RASAL2: variants seen among roughly 807,000 people sequenced by gnomAD.
The protein encoded by RASAL2 is RAS protein activator like 2.
Under a neutral mutation model 128.9 loss-of-function variants are expected in RASAL2, and 58 were observed. The ratio of observed to expected loss-of-function variants is 0.45; its 90% CI spans 0.36 to 0.56. RASAL2 has a LOEUF of 0.56. Among genes scored for constraint, RASAL2 ranks in the 20% least tolerant of loss-of-function variants. The probability of loss-of-function intolerance (pLI) is 0.00; values close to 1 mark genes in which losing one functional copy is unlikely to be tolerated. For synonymous variants in RASAL2, 561 were observed against 580.8 expected, an observed-to-expected ratio of 0.97 and a Z score of 0.49; for missense variants, 1,360 against 1,601.6, an observed-to-expected ratio of 0.85 and a Z score of 2.57.
chr1:178,456,062 T>C (rs1677751196), intron 12 of RASAL2, among the ~76,000 whole-genome samples: 1 of 152,230 alleles, frequency 6.6e-6, no homozygotes, highest in Non-Finnish European at 1.5e-5. Context: ...CATCTAGACA[T>C]ATCTCATAGA....
At chr1:178,208,205 A>C (rs1663122820) in intron 1 of RASAL2, among the ~76,000 whole-genome samples, 1 of 152,186 alleles carries the variant, frequency 6.6e-6, no homozygotes, top group Admixed American at 6.5e-5. Context: ...AAGGGAAGAC[A>C]ACTGTAAGGT....
intron 3 of RASAL2, among the ~76,000 whole-genome samples, chr1:178,324,007 T>C (rs1184231309): frequency 2.6e-5 from 4 of 152,222 alleles, no homozygotes; most frequent in Admixed American, 2.0e-4. Context: ...TGCTGGGTAG[T>C]GGAAAATGGC....
chr1:178,366,531 T>A (rs1162704519), intron 3 of RASAL2, among the ~76,000 whole-genome samples: 6 of 151,018 alleles, frequency 4.0e-5, no homozygotes, highest in Non-Finnish European at 7.4e-5. Context: ...ATTGTAAAAT[T>A]AGAAGATAAC....
intron 4 of RASAL2, among the ~76,000 whole-genome samples, chr1:178,404,142 C>G (rs918781208): frequency 6.0e-5 from 9 of 149,700 alleles, no homozygotes; most frequent in Non-Finnish European, 1.0e-4. Flanking sequence ...AGGAGAATTG[C>G]TTGAACCCGG....
At chr1:178,288,944 C>T (rs1667157842) in intron 2 of RASAL2, among the ~76,000 whole-genome samples, 1 of 152,128 alleles carries the variant, frequency 6.6e-6, no homozygotes, top group South Asian at 2.1e-4. Flanking sequence ...AGCCACTGAG[C>T]CCAGCTTTTT....
At chr1:178,308,548 T>C (rs1668101091) in intron 3 of RASAL2, among the ~76,000 whole-genome samples, 4 of 150,908 alleles carry the variant, frequency 2.7e-5, no homozygotes, top group Admixed American at 2.6e-4. Context: ...GCTTTTTTTT[T>C]TTTTTTTTTG....
chr1:178,404,434 G>A (rs918759632), intron 4 of RASAL2, among the ~76,000 whole-genome samples: 16 of 150,484 alleles, frequency 1.1e-4, no homozygotes, highest in East Asian at 4.0e-4. Flanking sequence ...AGGCTAGAGC[G>A]TAGTGGTGCC....
chr1:178,295,024 C>T (rs974322882), intron 2 of RASAL2, among the ~76,000 whole-genome samples: 2 of 152,114 alleles, frequency 1.3e-5, no homozygotes, highest in African/African-American at 2.4e-5. Flanking sequence ...CTGACTACTC[C>T]AGGAATCCAG....
At chr1:178,299,761 C>A (rs1225937744) in intron 2 of RASAL2, among the ~76,000 whole-genome samples, 1 of 152,134 alleles carries the variant, frequency 6.6e-6, no homozygotes, top group Non-Finnish European at 1.5e-5. Flanking sequence ...TCCCAAAGTG[C>A]TGGGATTACA....
At chr1:178,345,711 G>T (rs1197286868) in intron 3 of RASAL2, among the ~76,000 whole-genome samples, 1 of 152,052 alleles carries the variant, frequency 6.6e-6, no homozygotes, top group Non-Finnish European at 1.5e-5. Context: ...TGAAGTTTCA[G>T]GTAAATAAGT....
intron 3 of RASAL2, chr1:178,341,475 A>G (rs1669875250): frequency 6.5e-7 from 1 of 1,543,616 alleles, no homozygotes. Context: ...GAGGCACGAA[A>G]TGAGAGCAAA....
intron 1 of RASAL2, among the ~76,000 whole-genome samples, chr1:178,158,305 C>T (rs1661151963): frequency 6.6e-6 from 1 of 152,210 alleles, no homozygotes; most frequent in South Asian, 2.1e-4. Context: ...CTGCCTCATA[C>T]CTTGTGTGTC....
intron 1 of RASAL2, among the ~76,000 whole-genome samples, chr1:178,156,081 T>A (rs1416137802): frequency 6.6e-6 from 1 of 152,196 alleles, no homozygotes; most frequent in Non-Finnish European, 1.5e-5. Context: ...AGCTGGGAGC[T>A]TGTAATTGCT....
In RASAL2 at chr1:178,454,516, G is replaced by T. The variant is rs767216519; in HGVS notation, c.2079G>T (p.Lys693Asn). The change falls in exon 12 of 18, where the codon AAG becomes AAT. Residue 693 changes from lysine (K) to asparagine (N), a missense_variant. Around this residue, in one of 3 missense-constraint regions of RASAL2, gnomAD observed 741 missense variants for 868.6 expected, o/e 0.85. Coordinates refer to ENST00000367649, the MANE Select transcript of RASAL2 (RefSeq NM_170692.4). ...DFLEHEWGGM[K>N]RFLLEISNPD... ...TAGAACATGAATGGGGTGGAATGAA[G>T]CGCTTTCTTTTGGAGATCTCTAATC... 3.1e-6 allele frequency: 5 copies of T among 1,613,698 alleles called. No homozygotes were observed. The highest frequency in any genetic ancestry group is 4.2e-6 in the Non-Finnish European group (5 of 1,179,652).
At chr1:178,096,508 G>A (rs867822327) in intron 1 of RASAL2, among the ~76,000 whole-genome samples, 1 of 151,664 alleles carries the variant, frequency 6.6e-6, no homozygotes, top group African/African-American at 2.4e-5. Flanking sequence ...GAGAGTGAGA[G>A]CAAGTTTACA....
intron 3 of RASAL2, among the ~76,000 whole-genome samples, chr1:178,360,325 A>G (rs948889506): frequency 1.1e-4 from 16 of 152,180 alleles, no homozygotes; most frequent in African/African-American, 2.7e-4. Context: ...TTAGCCAGAC[A>G]TGAAATTACA....
rs549614108 is a variant in RASAL2, at chr1:178,264,238, A to T, written c.203-19326A>T. 2.5e-4 allele frequency among the ~76,000 whole-genome samples: 38 copies of T among 152,356 alleles called. 1 individual carries two copies. The highest frequency in any genetic ancestry group is 3.5e-4 in the Non-Finnish European group (24 of 68,030). ...TTTCCCTATCTCTACCCGTTGCCTCAGCTAGTTTCTGCTCCACAGAGGCAT... is the reference window on the plus strand; with the variant it reads ...TTTCCCTATCTCTACCCGTTGCCTCTGCTAGTTTCTGCTCCACAGAGGCAT... On this transcript the variant is annotated intron_variant, in intron 1 of 17. Coordinates refer to ENST00000367649, the MANE Select transcript of RASAL2 (RefSeq NM_170692.4).
Position 178,461,957 on chromosome 1 carries a change from T to C in RASAL2, c.3253-2321T>C, listed in dbSNP as rs975088432. Reference sequence around the variant, plus strand: ...ACTGCTGCATCAGGCTCTTTTGCCCTAAAGCGTTACTGTTTTTCCAGGGAA... The same window carrying C: ...ACTGCTGCATCAGGCTCTTTTGCCCCAAAGCGTTACTGTTTTTCCAGGGAA... On this transcript the variant is annotated intron_variant, in intron 14 of 17. Transcript: ENST00000367649. 3.9e-5 allele frequency among the ~76,000 whole-genome samples: 6 copies of C among 152,254 alleles called. No individual in the cohort carries two copies. In the East Asian group the frequency reaches 1.2e-3, roughly 29 times the overall value.
chr1:178,265,080 C>G, intron 1 of RASAL2, among the ~76,000 whole-genome samples: 1 of 152,184 alleles, frequency 6.6e-6, no homozygotes, highest in East Asian at 1.9e-4. Context: ...ATATGTATTT[C>G]TTATTATATC....
Sources: allele counts gnomAD v4.1 joint callset (sites outside exome capture counted in the v4.1 genomes callset), GRCh38; gene constraint gnomAD v4.1.1; regional missense constraint gnomAD v4.1.1; transcripts MANE v1.5; gene names NCBI Gene and HGNC (gene_info 2026-07-23, HGNC 2026-07-21).